PIAS4: variants seen among roughly 807,000 people sequenced by gnomAD.
PIAS4 encodes the protein E3 SUMO-protein ligase PIAS4.
PIAS4 carries 7 observed loss-of-function variants against 58.0 expected under a neutral mutation model. That is an observed-to-expected ratio of 0.12 (90% confidence interval 0.07 to 0.23). PIAS4 has a LOEUF of 0.23. PIAS4 is among the 10% of genes least tolerant of loss of function. The pLI is 1.00. For missense variants in PIAS4, 550 were observed against 709.5 expected, an observed-to-expected ratio of 0.78 and a Z score of 2.55; for synonymous variants, 364 against 312.4, an observed-to-expected ratio of 1.17 and a Z score of -1.74.
chr19:4,026,518 A>G (rs1339595835), intron 3 of PIAS4, among the ~76,000 whole-genome samples: 1 of 151,750 alleles, frequency 6.6e-6, no homozygotes, highest in African/African-American at 2.4e-5. Context: ...GTTCTCGTGG[A>G]TCAGTAGGTA....
chr19:4,013,079 T>C lies in PIAS4; in HGVS notation c.184T>C (p.Tyr62His). 6.2e-7 allele frequency: 1 copy of C among 1,613,456 alleles called. No individual in the cohort carries two copies. The highest frequency in any genetic ancestry group is 8.5e-7 in the Non-Finnish European group (1 of 1,179,996). The change falls in exon 2 of 11, where the codon TAC (tyrosine) becomes CAC (histidine). Residue 62 changes from tyrosine (Y) to histidine (H), a missense_variant. Around this residue, in one of 4 missense-constraint regions of PIAS4, gnomAD observed 42 missense variants for 84.3 expected, o/e 0.50. Coordinates refer to ENST00000262971, the MANE Select transcript of PIAS4 (RefSeq NM_015897.4). This position sits in a 1 kb window ranked among gnomAD's most constrained non-coding sequence, Gnocchi z 5.1. ...GCTGTTCAAGAAGATCAAGGAGCTG[T>C]ACGAGACCCGCTACGCCAAGAAGAA... ...PELFKKIKEL[Y>H]ETRYAKKNSE...
chr19:4,012,734 G>T (rs112761543), intron 1 of PIAS4, among the ~76,000 whole-genome samples, 189 bp from the exon 2 acceptor site: 19 of 152,126 alleles, frequency 1.2e-4, no homozygotes, highest in African/African-American at 4.6e-4. Flanking sequence ...TGATGAGGAG[G>T]AGGGAGGGGG....
At chr19:4,016,839 G>T (rs111953750) in intron 2 of PIAS4, among the ~76,000 whole-genome samples, 1 of 152,172 alleles carries the variant, frequency 6.6e-6, no homozygotes, top group African/African-American at 2.4e-5. Context: ...GAGGAGGGAC[G>T]CAGTAGCCTG....
At chr19:4,022,710 T>G (rs949732124) in intron 2 of PIAS4, among the ~76,000 whole-genome samples, 1 of 151,656 alleles carries the variant, frequency 6.6e-6, no homozygotes, top group Admixed American at 6.6e-5. Context: ...GGAAACAGTC[T>G]CACTCTGTCG....
chr19:4,023,967 G>A (rs577845005), intron 2 of PIAS4, 69 bp from the exon 3 acceptor site: 2 of 1,070,622 alleles, frequency 1.9e-6, no homozygotes, highest in South Asian at 1.2e-5. Context: ...GCGCAGGCTG[G>A]GAAAAGCGAC....
At position 4,028,591 on chromosome 19, in the gene PIAS4, C is replaced by T. The variant is rs1168465279; in HGVS notation, c.663C>T (p.Cys221=). ...NIAVKVNHSY[C]SVPGYYPSNK... ...CTGTGAAGGTCAACCACAGCTACTG[C>T]TCCGTCCCGGTGAGCATGCCCCGCC... Residue 221 remains cysteine, a synonymous_variant, in exon 5 of 11, where the codon TGC becomes TGT. Transcript: ENST00000262971. 1.2e-6 allele frequency: 2 copies of T among 1,612,956 alleles called. No homozygotes were observed. The highest frequency in any genetic ancestry group is 1.7e-6 in the Non-Finnish European group (2 of 1,179,890).
chr19:4,036,947 CTCCACACA>C (rs907080506), intron 9 of PIAS4, among the ~76,000 whole-genome samples: 2 of 151,634 alleles, frequency 1.3e-5, no homozygotes, highest in Non-Finnish European at 2.9e-5. Context: ...CATTCATAGA[CTCCACACA>C]TGCACACGTG....
chr19:4,026,129 C>T (rs1185618355), intron 3 of PIAS4, among the ~76,000 whole-genome samples: 46 of 141,290 alleles, frequency 3.3e-4, no homozygotes, highest in African/African-American at 1.2e-3. Flanking sequence ...CTGGACATTT[C>T]TTTTTCTTTT....
At chr19:4,016,514 G>A (rs1052499135) in intron 2 of PIAS4, among the ~76,000 whole-genome samples, 4 of 152,228 alleles carry the variant, frequency 2.6e-5, no homozygotes, top group Admixed American at 1.3e-4. Flanking sequence ...GCAAGGTAGC[G>A]TGGTCCCTGC....
chr19:4,019,000 C>T (rs374268195), intron 2 of PIAS4, among the ~76,000 whole-genome samples: 53 of 152,134 alleles, frequency 3.5e-4, no homozygotes, highest in African/African-American at 1.2e-3. Context: ...TCAGGGGTCT[C>T]CTGCGGAGCC....
intron 9 of PIAS4, among the ~76,000 whole-genome samples, chr19:4,035,870 C>CCATACCA (rs2040271728): frequency 1.5e-3 from 7 of 4,802 alleles, no homozygotes; most frequent in South Asian, 0.016. Context: ...TCCACACCGT[C>CCATACCA]TCACACACAC....
At chr19:4,033,703 T>A in intron 9 of PIAS4, 123 bp downstream of exon 9, 1 of 812,742 alleles carries the variant, frequency 1.2e-6, no homozygotes, top group Non-Finnish European at 1.9e-6. Context: ...CACATGGTCC[T>A]GGAGCTTTGG....
At chr19:4,023,316 T>C (rs558497029) in intron 2 of PIAS4, among the ~76,000 whole-genome samples, 24 of 151,820 alleles carry the variant, frequency 1.6e-4, no homozygotes, top group Admixed American at 1.5e-3. Context: ...CCATCTCTAC[T>C]AAAAATACAA....
chr19:4,024,680 G>C (rs2040144629), intron 3 of PIAS4, among the ~76,000 whole-genome samples: 1 of 152,092 alleles, frequency 6.6e-6, no homozygotes, highest in South Asian at 2.1e-4. Flanking sequence ...CCAGGAGCTG[G>C]GGGTCCCCGG....
chr19:4,024,126 C>T lies in PIAS4; in HGVS notation c.539+6C>T, dbSNP rs756265562. 3.7e-5 allele frequency: 60 copies of T among 1,604,148 alleles called. No individual in the cohort carries two copies. The highest frequency in any genetic ancestry group is 1.6e-4 in the Middle Eastern group (1 of 6,068). ...GAGTTGATCCGGAACTCCAGGTGTG[C>T]GGCACCTCCCCCAGCCCAGCACCCC... On this transcript the variant is annotated splice_donor_region_variant and intron_variant, in intron 3 of 10. Transcript: ENST00000262971.
Position 4,038,018 on chromosome 19 carries a change from AC to A in PIAS4, c.*145del, listed in dbSNP as rs1459969315. On this transcript the variant is annotated 3_prime_UTR_variant, in exon 11 of 11. Coordinates refer to ENST00000262971, the MANE Select transcript of PIAS4 (RefSeq NM_015897.4). The surrounding 1 kb of genome is among the most constrained non-coding windows in gnomAD (Gnocchi z 4.1). ...TCCACCCTTTTGCCTGGCTCCTGGC[AC>A]CTGTACCTCTGGACTCTCCTATCGG... The A allele has an allele frequency of 3.8e-6, 3 of 784,164 alleles. No homozygotes were observed. Among genetic ancestry groups the A allele is most frequent in the Non-Finnish European group, 6.0e-6 (3 of 499,496 alleles). The allele number at this position is 784,164 out of a possible 1,614,324, so 48.6% of individuals were successfully genotyped here.
intron 7 of PIAS4, among the ~76,000 whole-genome samples, chr19:4,030,962 G>A (rs1202473909): frequency 6.6e-6 from 1 of 152,220 alleles, no homozygotes; most frequent in East Asian, 1.9e-4. Flanking sequence ...AGGCTGACGA[G>A]AGGGCGGTTC....
intron 1 of PIAS4, among the ~76,000 whole-genome samples, chr19:4,010,900 C>G (rs1329556722): frequency 6.6e-6 from 1 of 152,240 alleles, no homozygotes; most frequent in Non-Finnish European, 1.5e-5. Context: ...GGGCCGCCTG[C>G]ACGTGTGTCC....
In PIAS4 at chr19:4,037,935, C is replaced by G; in HGVS notation, c.*60C>G. The stretch of plus-strand genomic sequence containing the variant: ...CACGCAGAGGGGCACGGGCCAGCCT[C>G]GGGCGCAGAGGGAGGAGTGACCTTT... On this transcript the variant is annotated 3_prime_UTR_variant, in exon 11 of 11. Transcript: ENST00000262971. The surrounding 1 kb of genome is among the most constrained non-coding windows in gnomAD (Gnocchi z 5.8). 4 of 1,509,244 alleles carry G rather than the reference C, an allele frequency of 2.7e-6. No homozygotes were observed. In the South Asian group the frequency reaches 3.7e-5, roughly 14 times the overall value. The allele number at this position is 1,509,244 out of a possible 1,614,324, so 93.5% of individuals were successfully genotyped here.
Sources: gnomAD v4.1 joint callset for allele counts (sites outside exome capture counted in the v4.1 genomes callset) on GRCh38, gnomAD v4.1.1 for gene constraint, gnomAD v4.1.1 regional missense constraint, Gnocchi (gnomAD v3.1) non-coding constraint, MANE v1.5 for transcripts, NCBI Gene and HGNC (gene_info 2026-07-23, HGNC 2026-07-21) for gene names.